The following KCNMB2 variants were observed in gnomAD, a reference collection of about 807,000 sequenced individuals.
The protein encoded by KCNMB2 is potassium calcium-activated channel subfamily M regulatory beta subunit 2, also known as calcium-activated potassium channel subunit beta-2.
A neutral mutation model predicts 24.5 loss-of-function variants in KCNMB2; 9 were observed. The observed-to-expected ratio is 0.37, with a 90% confidence interval of 0.22 to 0.64. The LOEUF (loss-of-function observed/expected upper bound fraction) is 0.64. Ranked by LOEUF, KCNMB2 falls within the 30% of genes least tolerant of loss-of-function variation. The pLI is 0.63. For synonymous variants in KCNMB2, 109 were observed against 104.4 expected (o/e 1.04, Z -0.27); for missense variants, 226 against 284.3 (o/e 0.79, Z 1.47).
At chr3:178,825,469 C>A in intron 2 of KCNMB2, 119 bp from the exon 3 acceptor site, 1 of 703,380 alleles carries the variant, frequency 1.4e-6, no homozygotes, top group Non-Finnish European at 2.4e-6. Flanking sequence ...CACTGAGGTC[C>A]AGCTGCACTG....
At chr3:178,633,125 G>A (rs760839762) in intron 1 of KCNMB2, among the ~76,000 whole-genome samples, 15 of 152,218 alleles carry the variant, frequency 9.9e-5, no homozygotes, top group Non-Finnish European at 1.3e-4. Context: ...CAGCCCCCCC[G>A]CCAGCTCCTT....
At chr3:178,705,268 T>C (rs1344835253) in intron 1 of KCNMB2, among the ~76,000 whole-genome samples, 6 of 152,060 alleles carry the variant, frequency 3.9e-5, no homozygotes, top group African/African-American at 7.2e-5. Flanking sequence ...GGTGATTCCC[T>C]GGACAATTTT....
At chr3:178,757,830 C>CATCAAAGAGGATATATATATATAT (rs1724196083) in intron 1 of KCNMB2, among the ~76,000 whole-genome samples, 1 of 46,182 alleles carries the variant, frequency 2.2e-5, no homozygotes, top group Admixed American at 2.3e-4. Context: ...TATACACATC[C>CATCAAAGAGGATATATATATATAT]ATCCAAGAGG....
At chr3:178,655,134 C>A (rs947961421) in intron 1 of KCNMB2, among the ~76,000 whole-genome samples, 27 of 143,546 alleles carry the variant, frequency 1.9e-4, no homozygotes, top group Admixed American at 1.2e-3. Context: ...CTCTCTCTCT[C>A]TCTCTCTCTA....
chr3:178,818,258 ATTTG>A (rs574098322), intron 2 of KCNMB2, among the ~76,000 whole-genome samples: 3 of 152,006 alleles, frequency 2.0e-5, no homozygotes, highest in South Asian at 4.2e-4. Flanking sequence ...ATCTAAATCT[ATTTG>A]TTTGTTTGTT....
At chr3:178,561,912 G>A (rs1716329618) in intron 1 of KCNMB2, among the ~76,000 whole-genome samples, 1 of 152,180 alleles carries the variant, frequency 6.6e-6, no homozygotes, top group Non-Finnish European at 1.5e-5. Flanking sequence ...AGAGCAATCT[G>A]AGCCATTTTC....
At chr3:178,737,085 C>A (rs150423542) in intron 1 of KCNMB2, among the ~76,000 whole-genome samples, 1 of 152,244 alleles carries the variant, frequency 6.6e-6, no homozygotes, top group African/African-American at 2.4e-5. Context: ...GCCCGCCCAA[C>A]GTAGTGAAAC....
At chr3:178,616,809 T>G (rs898451666) in intron 1 of KCNMB2, among the ~76,000 whole-genome samples, 29 of 152,048 alleles carry the variant, frequency 1.9e-4, no homozygotes, top group Non-Finnish European at 2.1e-4. Context: ...AAAAAGGGAG[T>G]AAACTTCCAT....
chr3:178,638,722 T>A (rs946359261), intron 1 of KCNMB2, among the ~76,000 whole-genome samples: 1 of 152,160 alleles, frequency 6.6e-6, no homozygotes, highest in Non-Finnish European at 1.5e-5. Flanking sequence ...ATGAAAGAAA[T>A]TACATTTTGA....
At chr3:178,605,016 T>G (rs944307753) in intron 1 of KCNMB2, among the ~76,000 whole-genome samples, 1 of 152,172 alleles carries the variant, frequency 6.6e-6, no homozygotes, top group African/African-American at 2.4e-5. Context: ...TTTACTGATC[T>G]ATAAAAAGAA....
chr3:178,571,447 GATATATATAT>G (rs71181237), intron 1 of KCNMB2, among the ~76,000 whole-genome samples: 2,084 of 91,082 alleles, frequency 0.023, 77 homozygotes, highest in African/African-American at 0.054. Context: ...TTTCCTTATG[GATATATATAT>G]ATATATATAT....
intron 3 of KCNMB2, 64 bp from the exon 4 acceptor site, chr3:178,828,114 C>T (rs557077017): frequency 1.2e-5 from 15 of 1,201,306 alleles, no homozygotes; most frequent in East Asian, 4.7e-5. Flanking sequence ...ATAATTCCCT[C>T]GGACTATACC....
intron 1 of KCNMB2, among the ~76,000 whole-genome samples, chr3:178,736,871 T>C (rs1459384347): frequency 2.0e-5 from 3 of 152,240 alleles, no homozygotes; most frequent in African/African-American, 7.2e-5. Flanking sequence ...AAGAAGTCTA[T>C]GGATGAAAGA....
intron 1 of KCNMB2, among the ~76,000 whole-genome samples, chr3:178,593,594 T>G (rs147863354): frequency 6.6e-6 from 1 of 152,150 alleles, no homozygotes; most frequent in East Asian, 1.9e-4. Flanking sequence ...TCTATTGATT[T>G]TGACCGATGC....
intron 2 of KCNMB2, among the ~76,000 whole-genome samples, chr3:178,816,834 G>C (rs1188929937): frequency 6.6e-6 from 1 of 151,824 alleles, no homozygotes; most frequent in Non-Finnish European, 1.5e-5. Flanking sequence ...CAAATAATGT[G>C]GTCAATAAAA....
intron 1 of KCNMB2, among the ~76,000 whole-genome samples, chr3:178,579,355 GA>G (rs1553815440): frequency 1.3e-5 from 2 of 152,154 alleles, no homozygotes; most frequent in Non-Finnish European, 2.9e-5. Context: ...GAATCTCTGG[GA>G]CACAGCTAAA....
intron 1 of KCNMB2, among the ~76,000 whole-genome samples, chr3:178,760,265 TCCAAGAGGATATATCTATATATA>T (rs1319400785): frequency 1.2e-5 from 1 of 83,304 alleles, no homozygotes; most frequent in African/African-American, 4.5e-5. Flanking sequence ...TATAGATATA[TCCAAGAGGATATATCTATATATA>T]GATATATCCA....
At chr3:178,579,011 G>A (rs1423375936) in intron 1 of KCNMB2, among the ~76,000 whole-genome samples, 1 of 152,102 alleles carries the variant, frequency 6.6e-6, no homozygotes, top group Non-Finnish European at 1.5e-5. Context: ...CCTCAGCTAT[G>A]GACCAAGCAG....
At chr3:178,706,644 C>T (rs1045967238) in intron 1 of KCNMB2, among the ~76,000 whole-genome samples, 1 of 152,050 alleles carries the variant, frequency 6.6e-6, no homozygotes, top group African/African-American at 2.4e-5. Flanking sequence ...CTGCCAGGCC[C>T]CAACTTTATC....
Sources: gnomAD v4.1 joint callset for allele counts (sites outside exome capture counted in the v4.1 genomes callset) on GRCh38, gnomAD v4.1.1 for gene constraint, MANE v1.5 for transcripts, NCBI Gene and HGNC (gene_info 2026-07-23, HGNC 2026-07-21) for gene names.